Variants in SBF2 observed in about 807,000 individuals in gnomAD.
SBF2 encodes SET binding factor 2.
Under a neutral mutation model 225.2 loss-of-function variants are expected in SBF2, and 112 were observed. The ratio of observed to expected loss-of-function variants is 0.50; its 90% CI spans 0.43 to 0.58. The LOEUF (loss-of-function observed/expected upper bound fraction) is 0.58, where lower values mean the gene tolerates loss of function less well. Ranked by LOEUF, SBF2 falls within the 20% of genes least tolerant of loss-of-function variation. The pLI is 0.00. For missense variants in SBF2, 1,996 were observed against 2,206.2 expected, an observed-to-expected ratio of 0.90 and a Z score of 1.91; for synonymous variants, 763 against 773.3, an observed-to-expected ratio of 0.99 and a Z score of 0.22.
At chr11:9,835,343 G>T (rs557960426) in intron 26 of SBF2, among the ~76,000 whole-genome samples, 4 of 151,970 alleles carry the variant, frequency 2.6e-5, no homozygotes, top group Non-Finnish European at 5.9e-5. Context: ...ATCCTGCCTG[G>T]CATGGTGGCT....
intron 13 of SBF2, among the ~76,000 whole-genome samples, chr11:9,989,116 A>G (rs1565100110): frequency 6.6e-6 from 1 of 152,108 alleles, no homozygotes; most frequent in East Asian, 1.9e-4. Context: ...TGCAGCCATG[A>G]AAAGGAATGA....
At chr11:10,287,727 G>A (rs1336882598) in intron 1 of SBF2, among the ~76,000 whole-genome samples, 1 of 152,118 alleles carries the variant, frequency 6.6e-6, no homozygotes, top group Non-Finnish European at 1.5e-5. Flanking sequence ...TCACTTTTCT[G>A]GCCAGAAACC....
intron 6 of SBF2, among the ~76,000 whole-genome samples, chr11:10,026,287 A>T (rs1949052100): frequency 6.6e-6 from 1 of 152,198 alleles, no homozygotes; most frequent in African/African-American, 2.4e-5. Context: ...ATACCTTTTC[A>T]TAGTAAACCT....
intron 6 of SBF2, among the ~76,000 whole-genome samples, chr11:10,009,882 A>C (rs1948369576): frequency 6.6e-6 from 1 of 152,214 alleles, no homozygotes; most frequent in African/African-American, 2.4e-5. Flanking sequence ...AGAGTGTAAA[A>C]GAATTCCTAT....
intron 16 of SBF2, among the ~76,000 whole-genome samples, chr11:9,903,771 G>A (rs1181739974): frequency 2.0e-5 from 3 of 152,194 alleles, no homozygotes; most frequent in Non-Finnish European, 4.4e-5. Flanking sequence ...ACACTTGGGA[G>A]GTGAGCATGC....
At chr11:10,216,875 A>G (rs1282616775) in intron 1 of SBF2, among the ~76,000 whole-genome samples, 1 of 152,154 alleles carries the variant, frequency 6.6e-6, no homozygotes, top group Non-Finnish European at 1.5e-5. Context: ...GTCTCAAAAT[A>G]GTAATTTTTA....
chr11:9,907,931 T>C (rs1862238674), intron 16 of SBF2, among the ~76,000 whole-genome samples: 2 of 152,224 alleles, frequency 1.3e-5, no homozygotes, highest in Non-Finnish European at 2.9e-5. Context: ...AATTATTTGC[T>C]TGCGATTATA....
At chr11:10,173,595 C>G (rs1309107896) in intron 2 of SBF2, among the ~76,000 whole-genome samples, 3 of 152,210 alleles carry the variant, frequency 2.0e-5, no homozygotes, top group Non-Finnish European at 4.4e-5. Context: ...GGGGCGCCCA[C>G]CATTGCCCAG....
chr11:10,159,871 C>T (rs911293837), intron 2 of SBF2, among the ~76,000 whole-genome samples: 6 of 151,542 alleles, frequency 4.0e-5, no homozygotes, highest in Admixed American at 1.3e-4. Flanking sequence ...GCCTGGGCAA[C>T]AGAGCAAGAC....
At chr11:9,959,831 A>C (rs959587007) in intron 16 of SBF2, 4 of 562,916 alleles carry the variant, frequency 7.1e-6, no homozygotes, top group Non-Finnish European at 1.4e-5. Flanking sequence ...AGGTAAAGGT[A>C]GGCTGCGAGA....
intron 2 of SBF2, among the ~76,000 whole-genome samples, chr11:10,106,297 A>G (rs1952551047): frequency 6.6e-6 from 1 of 152,196 alleles, no homozygotes; most frequent in Admixed American, 6.5e-5. Flanking sequence ...AACCTTTGCT[A>G]CAGGGGTAAG....
chr11:10,140,578 T>C (rs920319372), intron 2 of SBF2, among the ~76,000 whole-genome samples: 5 of 152,194 alleles, frequency 3.3e-5, no homozygotes, highest in African/African-American at 1.2e-4. Context: ...TTGTATTCTA[T>C]ATAATAAACT....
intron 1 of SBF2, among the ~76,000 whole-genome samples, chr11:10,275,532 A>G (rs1962886283): frequency 1.3e-5 from 2 of 152,200 alleles, no homozygotes; most frequent in Non-Finnish European, 2.9e-5. Context: ...ACAGTAAAAT[A>G]CATGTATACC....
At chr11:10,193,351 C>CTTTTTTTTTT (rs60903141) in intron 2 of SBF2, among the ~76,000 whole-genome samples, 1 of 110,500 alleles carries the variant, frequency 9.0e-6, no homozygotes, top group Non-Finnish European at 1.8e-5. Flanking sequence ...TCAATTTCAT[C>CTTTTTTTTTT]TTTTTTTTTT....
At chr11:9,992,915 C>CA in intron 11 of SBF2, 75 bp downstream of exon 11, 1 of 1,060,578 alleles carries the variant, frequency 9.4e-7, no homozygotes, top group Non-Finnish European at 1.4e-6. Context: ...ATAAATGGCT[C>CA]GGAAAAAAAA....
chr11:10,032,695 T>C (rs1949303573), intron 3 of SBF2, among the ~76,000 whole-genome samples: 1 of 152,252 alleles, frequency 6.6e-6, no homozygotes, highest in African/African-American at 2.4e-5. Context: ...ATCTTGTTTT[T>C]TAGTTTGTCT....
At chr11:10,118,697 C>T (rs1301646197) in intron 2 of SBF2, among the ~76,000 whole-genome samples, 1 of 151,872 alleles carries the variant, frequency 6.6e-6, no homozygotes, top group Admixed American at 6.6e-5. Context: ...CCTGTTCCCC[C>T]CAAAATCAGA....
chr11:9,834,290 C>T (rs979206276), intron 26 of SBF2, among the ~76,000 whole-genome samples: 2 of 151,606 alleles, frequency 1.3e-5, no homozygotes, highest in African/African-American at 4.9e-5. Context: ...TGGGGTTTCT[C>T]CATGTTGGTC....
intron 1 of SBF2, among the ~76,000 whole-genome samples, chr11:10,275,426 G>A (rs978864369): frequency 3.9e-5 from 6 of 152,030 alleles, no homozygotes; most frequent in African/African-American, 7.2e-5. Context: ...ACCCATCTCC[G>A]CATGACTTCC....
Sources: gnomAD v4.1 joint callset for allele counts (sites outside exome capture counted in the v4.1 genomes callset) on GRCh38, gnomAD v4.1.1 for gene constraint, MANE v1.5 for transcripts, NCBI Gene and HGNC (gene_info 2026-07-23, HGNC 2026-07-21) for gene names.